SLC22A15: variants seen among roughly 807,000 people sequenced by gnomAD.
The protein encoded by SLC22A15 is flipt 1.
Under a neutral mutation model 62.7 loss-of-function variants are expected in SLC22A15, and 45 were observed. That is an observed-to-expected ratio of 0.72 (90% CI 0.56 to 0.92). The LOEUF is 0.92. Among genes scored for constraint, SLC22A15 ranks in the 40% least tolerant of loss-of-function variants. The probability of loss-of-function intolerance (pLI) is 0.00; values close to 1 mark genes in which losing one functional copy is unlikely to be tolerated. For missense variants in SLC22A15, 622 were observed against 665.6 expected (o/e 0.93, Z 0.72); for synonymous variants, 264 against 267.0 (o/e 0.99, Z 0.11).
At chr1:116,038,335 C>T (rs1657687846) in intron 8 of SLC22A15, among the ~76,000 whole-genome samples, 1 of 152,148 alleles carries the variant, frequency 6.6e-6, no homozygotes, top group African/African-American at 2.4e-5. Flanking sequence ...GTATTAAATA[C>T]TCCTTTTGTA....
chr1:116,065,899 G>A (rs138527753), intron 10 of SLC22A15, among the ~76,000 whole-genome samples: 117 of 152,208 alleles, frequency 7.7e-4, no homozygotes, highest in Non-Finnish European at 1.2e-3. Flanking sequence ...AAATGTTTCC[G>A]TTTTCCTGAG....
intron 9 of SLC22A15, 39 bp from the exon 10 acceptor site, chr1:116,064,397 G>T: frequency 6.6e-7 from 1 of 1,512,776 alleles, no homozygotes; most frequent in Non-Finnish European, 9.2e-7. Flanking sequence ...TAATTCCTCC[G>T]CTAGAACTTA....
chr1:116,031,605 G>A (rs1657401053), intron 6 of SLC22A15, 24 bp downstream of exon 6: 2 of 1,610,842 alleles, frequency 1.2e-6, no homozygotes, highest in Non-Finnish European at 1.7e-6. Flanking sequence ...GGCGTGTTCT[G>A]TTGCTCTTTA....
chr1:116,031,990 T>G, intron 6 of SLC22A15: 1 of 1,058,978 alleles, frequency 9.4e-7, no homozygotes, highest in Non-Finnish European at 1.1e-6. Flanking sequence ...AGCAGTTTGC[T>G]AGCACATTCT....
At chr1:116,001,889 T>C (rs1655751635) in intron 2 of SLC22A15, among the ~76,000 whole-genome samples, 1 of 152,204 alleles carries the variant, frequency 6.6e-6, no homozygotes, top group African/African-American at 2.4e-5. Context: ...TCTCGATGCC[T>C]GTGGATGTTC....
At chr1:116,028,534 TTTTTTTTTTTTTTTA>T (rs1657217746) in intron 5 of SLC22A15, among the ~76,000 whole-genome samples, 1 of 112,546 alleles carries the variant, frequency 8.9e-6, no homozygotes. Flanking sequence ...TTTTTTTTTT[TTTTTTTTTTTTTTTA>T]AAATATATAG....
chr1:116,012,971 G>A (rs538659529), intron 2 of SLC22A15, among the ~76,000 whole-genome samples: 7 of 152,262 alleles, frequency 4.6e-5, no homozygotes, highest in East Asian at 1.9e-4. Context: ...GTGCTCTCCT[G>A]TATTCAGTAA....
chr1:116,049,293 A>G (rs1657997296), intron 8 of SLC22A15, among the ~76,000 whole-genome samples: 1 of 152,198 alleles, frequency 6.6e-6, no homozygotes. Context: ...ACCACAGAAT[A>G]CACATTCTAT....
intron 2 of SLC22A15, among the ~76,000 whole-genome samples, chr1:115,993,788 A>G (rs12737327): frequency 2.6e-5 from 4 of 152,096 alleles, no homozygotes; most frequent in Non-Finnish European, 2.9e-5. Context: ...GACCTCTCAC[A>G]CTTCGTAGCT....
At chr1:116,041,776 C>G (rs1657790726) in intron 8 of SLC22A15, among the ~76,000 whole-genome samples, 4 of 152,106 alleles carry the variant, frequency 2.6e-5, no homozygotes, top group Admixed American at 6.5e-5. Context: ...TTGATTTGAG[C>G]ATGCATTTGA....
intron 2 of SLC22A15, among the ~76,000 whole-genome samples, chr1:115,994,397 G>C (rs1332226059): frequency 6.6e-6 from 1 of 152,196 alleles, no homozygotes; most frequent in Non-Finnish European, 1.5e-5. Context: ...TAATGGCAGA[G>C]CTGAGATTTG....
intron 5 of SLC22A15, 27 bp from the exon 6 acceptor site, chr1:116,031,339 T>A: frequency 6.4e-6 from 10 of 1,568,598 alleles, no homozygotes; most frequent in Non-Finnish European, 8.7e-6. Flanking sequence ...TATATGAATA[T>A]ACAGGCTTTA....
Position 116,027,004 on chromosome 1 carries a change from T to C in SLC22A15, c.710T>C (p.Val237Ala). 6.2e-7 allele frequency: 1 copy of C among 1,613,622 alleles called. No homozygotes were observed. Among genetic ancestry groups the C allele is most frequent in the Non-Finnish European group, 8.5e-7 (1 of 1,179,720 alleles). ...LAILVNLQGT[V>A]VFLLSLFIPE... ...ATTCTGGTTAACCTGCAGGGAACGGTGGTCTTTCTCTTATCTTTGTAAGTA... is the reference window on the plus strand; with the variant it reads ...ATTCTGGTTAACCTGCAGGGAACGGCGGTCTTTCTCTTATCTTTGTAAGTA... The change falls in exon 5 of 12, where the codon GTG becomes GCG. Residue 237 changes from valine to alanine, a missense_variant. Coordinates refer to ENST00000369503, the MANE Select transcript of SLC22A15 (RefSeq NM_018420.3).
chr1:116,059,053 A>G lies in SLC22A15; in HGVS notation c.1172-3709A>G, dbSNP rs574985265. ...CAACAAAATCTCATAAATCACCACT[A>G]AAGAACTTACTCATGTAACCAAATA... On this transcript the variant is annotated intron_variant, in intron 8 of 11. Transcript: ENST00000369503. Among the ~76,000 whole-genome samples the G allele has an allele frequency of 9.2e-5, 14 of 152,306 alleles. No individual in the cohort carries two copies. In the East Asian group the frequency reaches 2.3e-3, roughly 25 times the overall value.
At position 116,029,816 on chromosome 1, in the gene SLC22A15, C is replaced by T. The variant is rs1034675756; in HGVS notation, c.729-1550C>T. Among the ~76,000 whole-genome samples the T allele has an allele frequency of 1.3e-3, 193 of 152,244 alleles. 1 individual carries two copies. Among genetic ancestry groups the T allele is most frequent in the African/African-American group, 4.5e-3 (186 of 41,538 alleles). Reference sequence around the variant, plus strand: ...ATGACATATAACCCAAAGATAATGACTGTGAATATTTTGGCGTATTTTCTG... The same window carrying T: ...ATGACATATAACCCAAAGATAATGATTGTGAATATTTTGGCGTATTTTCTG... On this transcript the variant is annotated intron_variant, in intron 5 of 11. Transcript: ENST00000369503.
At chr1:115,979,627 C>T (rs1197825410) in intron 1 of SLC22A15, among the ~76,000 whole-genome samples, 1 of 152,166 alleles carries the variant, frequency 6.6e-6, no homozygotes, top group Admixed American at 6.5e-5. Flanking sequence ...TGTTTCTCTT[C>T]TGATGGTGAT....
rs1031470667 is a variant in SLC22A15, at chr1:116,058,552, G to A, written c.1172-4210G>A. 4.6e-5 allele frequency among the ~76,000 whole-genome samples: 7 copies of A among 152,122 alleles called. No individual in the cohort carries two copies. The East Asian group carries it at 7.7e-4, about 17-fold the overall frequency. The stretch of plus-strand genomic sequence containing the variant: ...ACTAGTACAGCCACTATGGAAAACC[G>A]TGTGAAGATTCCTTAAAGAATTAAA... On this transcript the variant is annotated intron_variant, in intron 8 of 11. Coordinates refer to ENST00000369503, the MANE Select transcript of SLC22A15 (RefSeq NM_018420.3).
At chr1:116,056,600 C>G (rs1658213539) in intron 8 of SLC22A15, among the ~76,000 whole-genome samples, 2 of 151,110 alleles carry the variant, frequency 1.3e-5, no homozygotes, top group Non-Finnish European at 1.5e-5. Flanking sequence ...ATCGCCAAGT[C>G]AATCCTAAGC....
At chr1:116,014,237 G>C (rs1656416365) in intron 2 of SLC22A15, among the ~76,000 whole-genome samples, 1 of 152,138 alleles carries the variant, frequency 6.6e-6, no homozygotes, top group Non-Finnish European at 1.5e-5. Flanking sequence ...CCCTGGCTCT[G>C]TGCTCACACC....
Sources: allele counts gnomAD v4.1 joint callset (sites outside exome capture counted in the v4.1 genomes callset), GRCh38; gene constraint gnomAD v4.1.1; transcripts MANE v1.5; gene names NCBI Gene and HGNC (gene_info 2026-07-23, HGNC 2026-07-21).